The following PPP2R5E variants were observed in gnomAD, a reference collection of about 807,000 sequenced individuals.
PPP2R5E encodes serine/threonine-protein phosphatase 2A 56 kDa regulatory subunit epsilon isoform.
A neutral mutation model predicts 65.3 loss-of-function variants in PPP2R5E; 4 were observed. The observed-to-expected ratio is 0.06, with a 90% CI of 0.03 to 0.14. The LOEUF (loss-of-function observed/expected upper bound fraction) is 0.14. PPP2R5E is among the 10% of genes least tolerant of loss of function. The pLI is 1.00. For missense variants in PPP2R5E, 274 were observed against 556.1 expected (o/e 0.49, Z 5.10); for synonymous variants, 183 against 187.4 (o/e 0.98, Z 0.19).
intron 6 of PPP2R5E, 107 bp downstream of exon 6, chr14:63,396,479 G>T: frequency 1.4e-6 from 2 of 1,402,040 alleles, no homozygotes; most frequent in Non-Finnish European, 1.9e-6. Flanking sequence ...CAGGCAGAAA[G>T]GGAGAAAGAG....
intron 2 of PPP2R5E, among the ~76,000 whole-genome samples, chr14:63,476,760 A>G (rs1890431625): frequency 6.6e-6 from 1 of 152,174 alleles, no homozygotes; most frequent in African/African-American, 2.4e-5. Flanking sequence ...AGATCCATTA[A>G]CAATTAGTAA....
At chr14:63,392,871 A>G (rs998807963) in intron 8 of PPP2R5E, among the ~76,000 whole-genome samples, 1 of 152,252 alleles carries the variant, frequency 6.6e-6, no homozygotes, top group Non-Finnish European at 1.5e-5. Flanking sequence ...AAATCTTCCT[A>G]TCCAAAATTT....
intron 11 of PPP2R5E, among the ~76,000 whole-genome samples, chr14:63,386,006 A>C (rs1050736252): frequency 3.9e-5 from 6 of 152,196 alleles, no homozygotes; most frequent in African/African-American, 1.4e-4. Flanking sequence ...ACATCTCAAA[A>C]ACAAAACCTA....
intron 2 of PPP2R5E, among the ~76,000 whole-genome samples, chr14:63,534,185 C>G (rs1893562500): frequency 6.6e-6 from 1 of 152,074 alleles, no homozygotes; most frequent in African/African-American, 2.4e-5. Flanking sequence ...GTGTGTTTGC[C>G]TAACTGTTTA....
intron 2 of PPP2R5E, among the ~76,000 whole-genome samples, chr14:63,482,986 C>G (rs1890789439): frequency 6.6e-6 from 1 of 152,080 alleles, no homozygotes; most frequent in South Asian, 2.1e-4. Flanking sequence ...TAGCAGGATG[C>G]ACAGATAATA....
At position 63,401,123 on chromosome 14, in the gene PPP2R5E, T is replaced by C. The variant is rs536567423; in HGVS notation, c.550-4407A>G. The stretch of plus-strand genomic sequence containing the variant: ...AATGTATCATATTCTATGAGAAAGA[T>C]GAATTGCAGTATTAAACTATTTTTC... On this transcript the variant is annotated intron_variant, in intron 5 of 13. Transcript: ENST00000337537. Among the ~76,000 whole-genome samples, 37 of 152,336 alleles carry C rather than the reference T, an allele frequency of 2.4e-4. No individual in the cohort carries two copies. The South Asian group carries it at 7.7e-3, about 32-fold the overall frequency.
chr14:63,380,543 T>C (rs915789611), intron 13 of PPP2R5E, among the ~76,000 whole-genome samples: 2 of 151,966 alleles, frequency 1.3e-5, no homozygotes, highest in Non-Finnish European at 2.9e-5. Flanking sequence ...GTGCTTGTAG[T>C]CCCAGCTACT....
chr14:63,478,845 GGGTAC>G (rs1181582913), intron 2 of PPP2R5E, among the ~76,000 whole-genome samples: 9 of 152,108 alleles, frequency 5.9e-5, no homozygotes, highest in Non-Finnish European at 1.3e-4. Context: ...ATCATTGGCC[GGGTAC>G]GGTGGCTCAT....
chr14:63,426,699 C>CAAAAAAAAAAAAAAAAAAAAAAA (rs1191603099), intron 3 of PPP2R5E, among the ~76,000 whole-genome samples: 1 of 54,788 alleles, frequency 1.8e-5, no homozygotes, highest in Non-Finnish European at 4.9e-5. Flanking sequence ...AAAGGCTTAT[C>CAAAAAAAAAAAAAAAAAAAAAAA]AAAAAAAAAA....
chr14:63,420,209 C>G (rs996818362), intron 4 of PPP2R5E, among the ~76,000 whole-genome samples: 3 of 152,110 alleles, frequency 2.0e-5, no homozygotes, highest in Non-Finnish European at 4.4e-5. Context: ...CTTTCCTTGT[C>G]TTTTCCACCA....
At chr14:63,508,090 C>G in intron 2 of PPP2R5E, 7 of 949,338 alleles carry the variant, frequency 7.4e-6, no homozygotes, top group African/African-American at 3.5e-5. Flanking sequence ...CCTCACTCCA[C>G]CCTCCTTCCC....
intron 2 of PPP2R5E, among the ~76,000 whole-genome samples, chr14:63,522,677 C>G (rs1251008637): frequency 1.3e-5 from 2 of 150,578 alleles, no homozygotes; most frequent in South Asian, 4.2e-4. Flanking sequence ...CCGGCCGCGA[C>G]CCCGTCTGGG....
At chr14:63,466,427 AG>A (rs1221559610) in intron 2 of PPP2R5E, among the ~76,000 whole-genome samples, 1 of 152,206 alleles carries the variant, frequency 6.6e-6, no homozygotes, top group East Asian at 1.9e-4. Flanking sequence ...TCTAATCCCA[AG>A]AGTAATAAAG....
intron 5 of PPP2R5E, among the ~76,000 whole-genome samples, chr14:63,399,110 C>T (rs1414446246): frequency 1.3e-5 from 2 of 152,078 alleles, no homozygotes; most frequent in African/African-American, 2.4e-5. Context: ...AAAACTGAAA[C>T]AACCCAAATA....
chr14:63,437,101 T>C (rs533499675), intron 3 of PPP2R5E, among the ~76,000 whole-genome samples: 2 of 152,270 alleles, frequency 1.3e-5, no homozygotes, highest in South Asian at 4.1e-4. Flanking sequence ...CGCTACACCA[T>C]GGTACTACAT....
chr14:63,393,231 G>A (rs1429214416), intron 8 of PPP2R5E, among the ~76,000 whole-genome samples: 1 of 152,130 alleles, frequency 6.6e-6, no homozygotes, highest in Non-Finnish European at 1.5e-5. Context: ...TATGTAATAG[G>A]TTCAGTATGT....
In PPP2R5E at chr14:63,395,206, A is replaced by T; in HGVS notation, c.740+20T>A. 6.3e-7 allele frequency: 1 copy of T among 1,594,198 alleles called. No individual in the cohort carries two copies. The highest frequency in any genetic ancestry group is 8.6e-7 in the Non-Finnish European group (1 of 1,162,772). On this transcript the variant is annotated intron_variant, in intron 7 of 13. Coordinates refer to ENST00000337537, the MANE Select transcript of PPP2R5E (RefSeq NM_006246.5). ...AAATAATATTCATCTGAGATTAGCAATTAGAAAAACCGTGCTCACCTTCCT... is the reference window on the plus strand; with the variant it reads ...AAATAATATTCATCTGAGATTAGCATTTAGAAAAACCGTGCTCACCTTCCT...
intron 3 of PPP2R5E, among the ~76,000 whole-genome samples, chr14:63,443,475 G>GCC (rs1888336359): frequency 6.6e-6 from 1 of 152,088 alleles, no homozygotes; most frequent in Non-Finnish European, 1.5e-5. Flanking sequence ...TACACCCAAG[G>GCC]TGCGAGCAAT....
At chr14:63,418,971 C>T (rs1404492012) in intron 4 of PPP2R5E, among the ~76,000 whole-genome samples, 2 of 151,770 alleles carry the variant, frequency 1.3e-5, no homozygotes, top group Non-Finnish European at 2.9e-5. Flanking sequence ...CTCAGCCTCC[C>T]AAGTAGCTGG....
Sources: gnomAD v4.1 joint callset for allele counts (sites outside exome capture counted in the v4.1 genomes callset) on GRCh38, gnomAD v4.1.1 for gene constraint, MANE v1.5 for transcripts, NCBI Gene and HGNC (gene_info 2026-07-23, HGNC 2026-07-21) for gene names.